JHY: variants seen among roughly 807,000 people sequenced by gnomAD.
The protein encoded by JHY is jhy protein homolog.
JHY carries 69 observed loss-of-function variants against 78.0 expected under a neutral mutation model. The ratio of observed to expected loss-of-function variants is 0.88; its 90% CI spans 0.73 to 1.08. The LOEUF is 1.08. JHY is among the 50% of genes least tolerant of loss of function. The pLI is 0.00. For synonymous variants in JHY, 368 were observed against 342.6 expected (o/e 1.07, Z -0.82); for missense variants, 944 against 927.8 (o/e 1.02, Z -0.23).
chr11:122,961,487 C>T lies in JHY; in HGVS notation c.*2042C>T, dbSNP rs184736135. ...CTCCTGTCTCAGCCTCCCGAGTAGCCGAGATTGCAAGCGTGCACTACCACG... is the reference window on the plus strand; with the variant it reads ...CTCCTGTCTCAGCCTCCCGAGTAGCTGAGATTGCAAGCGTGCACTACCACG... On this transcript the variant is annotated 3_prime_UTR_variant, in exon 9 of 9. Transcript: ENST00000227349. Among the ~76,000 whole-genome samples the T allele has an allele frequency of 3.7e-4, 56 of 152,114 alleles. No homozygotes were observed. The East Asian group carries it at 4.3e-3, about 12-fold the overall frequency.
intron 5 of JHY, among the ~76,000 whole-genome samples, chr11:122,938,023 T>C (rs796642957): frequency 1.3e-5 from 2 of 152,018 alleles, no homozygotes; most frequent in African/African-American, 4.8e-5. Context: ...TTTTTTGTTG[T>C]TGTTTTTTGT....
At chr11:122,910,564 G>A (rs776812808) in intron 3 of JHY, among the ~76,000 whole-genome samples, 10 of 152,208 alleles carry the variant, frequency 6.6e-5, no homozygotes, top group Non-Finnish European at 1.3e-4. Context: ...TACAAAAGCA[G>A]TTAATTGCAA....
Position 122,883,034 on chromosome 11 carries a change from G to A in JHY, c.-90+62G>A, listed in dbSNP as rs1862414851. The A allele has an allele frequency of 6.5e-6, 1 of 152,962 alleles. No individual in the cohort carries two copies. Among genetic ancestry groups the A allele is most frequent in the South Asian group, 1.8e-4 (1 of 5,616 alleles). The allele number at this position is 152,962 out of a possible 1,614,324, so 9.5% of individuals were successfully genotyped here. ...GCGCGCCCGGGGAGGGAAACGGGAA[G>A]GGCTTACTGGGGATGGGGACGGCAG... On this transcript the variant is annotated intron_variant, in intron 1 of 8. Transcript: ENST00000227349. The surrounding 1 kb of genome is among the most constrained non-coding windows in gnomAD (Gnocchi z 4.4).
intron 3 of JHY, among the ~76,000 whole-genome samples, chr11:122,923,883 ATT>A (rs760512913): frequency 0.022 from 2,186 of 100,262 alleles, 16 homozygotes; most frequent in African/African-American, 0.071. Context: ...CGCCTGGCTA[ATT>A]TTTTTTTTTT....
intron 3 of JHY, among the ~76,000 whole-genome samples, chr11:122,916,726 A>G (rs528838059): frequency 2.6e-5 from 4 of 151,972 alleles, no homozygotes; most frequent in African/African-American, 7.2e-5. Flanking sequence ...TGCAGCCTCC[A>G]CCTCCCAGGT....
chr11:122,908,533 G>T (rs993379851), intron 3 of JHY, among the ~76,000 whole-genome samples: 4 of 152,190 alleles, frequency 2.6e-5, no homozygotes, highest in African/African-American at 9.7e-5. Flanking sequence ...TGAGCAAGGG[G>T]CTAGAACAGA....
intron 4 of JHY, among the ~76,000 whole-genome samples, chr11:122,927,468 T>C (rs976325363): frequency 2.6e-5 from 4 of 152,312 alleles, no homozygotes; most frequent in African/African-American, 9.6e-5. Context: ...GCCCACTGCA[T>C]GCTACACACC....
chr11:122,921,579 G>C (rs1463369020), intron 3 of JHY, among the ~76,000 whole-genome samples: 2 of 152,084 alleles, frequency 1.3e-5, no homozygotes, highest in Non-Finnish European at 2.9e-5. Context: ...TGAACATCAT[G>C]GTTATATGGG....
chr11:122,907,734 C>T (rs1039026245), intron 3 of JHY, among the ~76,000 whole-genome samples: 1 of 151,000 alleles, frequency 6.6e-6, no homozygotes, highest in Non-Finnish European at 1.5e-5. Context: ...ATCCCAGCTA[C>T]TCGGGAGGCT....
In JHY at chr11:122,883,242, C is replaced by T. The variant is rs935830417; in HGVS notation, c.-90+270C>T. ...GACCGGTCCCGGGCACCAGGCCCGC[C>T]GACTTGTCACTTCCTGGACCTCCAA... On this transcript the variant is annotated intron_variant, in intron 1 of 8. Coordinates refer to ENST00000227349, the MANE Select transcript of JHY (RefSeq NM_024806.4). This position sits in a 1 kb window ranked among gnomAD's most constrained non-coding sequence, Gnocchi z 4.4. Among the ~76,000 whole-genome samples, 2 of 152,158 alleles carry T rather than the reference C, an allele frequency of 1.3e-5. No individual in the cohort carries two copies. Among genetic ancestry groups the T allele is most frequent in the Admixed American group, 1.3e-4 (2 of 15,286 alleles).
chr11:122,929,981 T>C (rs749518103), intron 4 of JHY, among the ~76,000 whole-genome samples: 14 of 152,192 alleles, frequency 9.2e-5, no homozygotes, highest in Non-Finnish European at 5.9e-5. Flanking sequence ...GAACGCTCTA[T>C]GGCAGGGGAC....
intron 5 of JHY, among the ~76,000 whole-genome samples, chr11:122,936,919 A>ATTG (rs1336499679): frequency 1.3e-5 from 2 of 152,254 alleles, no homozygotes; most frequent in Non-Finnish European, 2.9e-5. Context: ...GGGACACTTT[A>ATTG]TATACAATTG....
chr11:122,948,617 C>T (rs892100235), intron 6 of JHY, among the ~76,000 whole-genome samples: 9 of 150,828 alleles, frequency 6.0e-5, no homozygotes, highest in Non-Finnish European at 1.0e-4. Context: ...ATGTTGCAAG[C>T]AAAAAACAAA....
At chr11:122,936,009 A>G (rs768300619) in intron 5 of JHY, among the ~76,000 whole-genome samples, 1 of 152,234 alleles carries the variant, frequency 6.6e-6, no homozygotes, top group Non-Finnish European at 1.5e-5. Flanking sequence ...CAAAATGTCA[A>G]TAGTGGTTAT....
intron 4 of JHY, among the ~76,000 whole-genome samples, chr11:122,933,627 A>G (rs942217540): frequency 1.3e-5 from 2 of 152,252 alleles, no homozygotes; most frequent in African/African-American, 4.8e-5. Context: ...GAAGCAAAAC[A>G]GCCCTTGTGG....
Position 122,935,130 on chromosome 11 carries a change from C to T in JHY, c.1634+55C>T. The T allele has an allele frequency of 1.4e-6, 2 of 1,441,030 alleles. No homozygotes were observed. Among genetic ancestry groups the T allele is most frequent in the Non-Finnish European group, 1.9e-6 (2 of 1,072,734 alleles). The allele number at this position is 1,441,030 out of a possible 1,614,324, so 89.3% of individuals were successfully genotyped here. ...CTAGAGGAGAAAGGAGAGACTGCTG[C>T]AGAAAGACGGGAGAGGAAGAAGGGG... On this transcript the variant is annotated intron_variant, in intron 5 of 8. Transcript: ENST00000227349. The surrounding 1 kb of genome is among the most constrained non-coding windows in gnomAD (Gnocchi z 4.5).
At chr11:122,928,042 C>A (rs367793015) in intron 4 of JHY, among the ~76,000 whole-genome samples, 10 of 152,112 alleles carry the variant, frequency 6.6e-5, no homozygotes, top group African/African-American at 2.4e-4. Flanking sequence ...TCTTTTGTAC[C>A]CACTACACTA....
In JHY at chr11:122,961,014, A is replaced by G; in HGVS notation, c.*1569A>G. On this transcript the variant is annotated 3_prime_UTR_variant, in exon 9 of 9. Coordinates refer to ENST00000227349, the MANE Select transcript of JHY (RefSeq NM_024806.4). ...GCAGAGCATCTCTGCACAACAGGAAAAGGAGACAATTGCCAAGTGCATTTG... is the reference window on the plus strand; with the variant it reads ...GCAGAGCATCTCTGCACAACAGGAAGAGGAGACAATTGCCAAGTGCATTTG... The G allele has an allele frequency of 9.8e-7, 1 of 1,015,572 alleles. No homozygotes were observed. Among genetic ancestry groups the G allele is most frequent in the East Asian group, 2.5e-5 (1 of 40,182 alleles). The allele number at this position is 1,015,572 out of a possible 1,614,324, so 62.9% of individuals were successfully genotyped here.
In JHY at chr11:122,934,885, T is replaced by C; in HGVS notation, c.1444T>C (p.Tyr482His). ...HKDQEEKRFS[Y>H]QQLHTLSDMD... ...AGACCAAGAAGAGAAAAGATTTTCATATCAGCAGCTACACACCCTTTCTGA... is the reference window on the plus strand; with the variant it reads ...AGACCAAGAAGAGAAAAGATTTTCACATCAGCAGCTACACACCCTTTCTGA... The change falls in exon 5 of 9, where the codon TAT (tyrosine) becomes CAT (histidine). Residue 482 changes from tyrosine (Y) to histidine (H), a missense_variant. Tyr to His is a moderately conservative substitution (Grantham distance 83). Coordinates refer to ENST00000227349, the MANE Select transcript of JHY (RefSeq NM_024806.4). The C allele has an allele frequency of 6.2e-7, 1 of 1,614,068 alleles. No homozygotes were observed. The highest frequency in any genetic ancestry group is 1.7e-5 in the Admixed American group (1 of 59,984).
Sources: allele counts gnomAD v4.1 joint callset (sites outside exome capture counted in the v4.1 genomes callset), GRCh38; gene constraint gnomAD v4.1.1; non-coding constraint Gnocchi (gnomAD v3.1); transcripts MANE v1.5; gene names NCBI Gene and HGNC (gene_info 2026-07-23, HGNC 2026-07-21).